Variants in IMMP1L observed in about 807,000 individuals in gnomAD.
The protein encoded by IMMP1L is inner mitochondrial membrane peptidase subunit 1.
IMMP1L carries 24 observed loss-of-function variants against 21.8 expected under a neutral mutation model. The ratio of observed to expected loss-of-function variants is 1.10; its 90% CI spans 0.80 to 1.55. The LOEUF is 1.55. IMMP1L is among the 40% of genes most tolerant of loss of function. The probability of loss-of-function intolerance (pLI) is 0.00; values close to 1 mark genes in which losing one functional copy is unlikely to be tolerated. For synonymous variants in IMMP1L, 46 were observed against 62.8 expected (o/e 0.73, Z 1.26); for missense variants, 195 against 200.7 (o/e 0.97, Z 0.17).
At chr11:31,472,746 G>A (rs925632979) in intron 1 of IMMP1L, among the ~76,000 whole-genome samples, 2 of 152,168 alleles carry the variant, frequency 1.3e-5, no homozygotes, top group African/African-American at 4.8e-5. Context: ...AGCAAAAGAA[G>A]TATAGGAGGA....
intron 4 of IMMP1L, among the ~76,000 whole-genome samples, chr11:31,439,505 C>T (rs1312123941): frequency 6.6e-6 from 1 of 152,120 alleles, no homozygotes; most frequent in Non-Finnish European, 1.5e-5. Flanking sequence ...GAGTGCTTCT[C>T]TGCTAATTCC....
chr11:31,433,099 C>CTAAA (rs1328306095), intron 5 of IMMP1L, among the ~76,000 whole-genome samples: 1 of 152,190 alleles, frequency 6.6e-6, no homozygotes, highest in African/African-American at 2.4e-5. Flanking sequence ...GGTATCCCTA[C>CTAAA]TTTACAGGTA....
chr11:31,500,612 A>ACACACACACACAC (rs1491094510), intron 1 of IMMP1L, among the ~76,000 whole-genome samples: 35 of 145,214 alleles, frequency 2.4e-4, no homozygotes, highest in East Asian at 1.6e-3. Flanking sequence ...CACACACACA[A>ACACACACACACAC]ACACACACAC....
At chr11:31,474,265 T>C (rs1191021484) in intron 1 of IMMP1L, among the ~76,000 whole-genome samples, 3 of 152,072 alleles carry the variant, frequency 2.0e-5, no homozygotes, top group African/African-American at 7.3e-5. Context: ...GAAGTTATTG[T>C]GACAAGTAGA....
intron 3 of IMMP1L, among the ~76,000 whole-genome samples, chr11:31,459,550 T>C (rs1358861547): frequency 6.6e-6 from 1 of 152,124 alleles, no homozygotes; most frequent in Non-Finnish European, 1.5e-5. Flanking sequence ...TAGAGTTAAT[T>C]GGAATAAAGG....
chr11:31,485,196 G>A (rs143582989), intron 1 of IMMP1L, among the ~76,000 whole-genome samples: 1 of 151,800 alleles, frequency 6.6e-6, no homozygotes, highest in Admixed American at 6.6e-5. Flanking sequence ...TAATTTCAAA[G>A]GTGATTTAAC....
intron 1 of IMMP1L, among the ~76,000 whole-genome samples, chr11:31,503,129 A>G (rs1369378924): frequency 6.6e-6 from 1 of 152,206 alleles, no homozygotes; most frequent in African/African-American, 2.4e-5. Context: ...CTAGCATCCA[A>G]TATAATTCAG....
At chr11:31,507,573 A>C (rs1955814225) in intron 1 of IMMP1L, among the ~76,000 whole-genome samples, 1 of 152,216 alleles carries the variant, frequency 6.6e-6, no homozygotes, top group South Asian at 2.1e-4. Context: ...CAGACACAGA[A>C]AGACAAATAT....
chr11:31,461,035 G>A (rs1954122988), intron 2 of IMMP1L, among the ~76,000 whole-genome samples: 1 of 152,110 alleles, frequency 6.6e-6, no homozygotes, highest in Non-Finnish European at 1.5e-5. Context: ...CATGTTCCTA[G>A]CTATATAACC....
intron 1 of IMMP1L, among the ~76,000 whole-genome samples, chr11:31,470,404 A>T (rs572289882): frequency 1.3e-4 from 20 of 151,442 alleles, no homozygotes; most frequent in African/African-American, 4.6e-4. Flanking sequence ...TAAGAGCAAA[A>T]CTCCATCTCA....
chr11:31,456,711 A>C (rs903915215), intron 3 of IMMP1L, among the ~76,000 whole-genome samples: 1 of 151,784 alleles, frequency 6.6e-6, no homozygotes, highest in African/African-American at 2.4e-5. Flanking sequence ...TCTTAGAACC[A>C]AAATTGTGGA....
chr11:31,458,343 T>G (rs1954015217), intron 3 of IMMP1L, among the ~76,000 whole-genome samples: 1 of 152,140 alleles, frequency 6.6e-6, no homozygotes, highest in Non-Finnish European at 1.5e-5. Flanking sequence ...CACAGTAAGC[T>G]TTTGAAAACT....
At chr11:31,451,314 T>A (rs2133606070) in intron 4 of IMMP1L, among the ~76,000 whole-genome samples, 1 of 151,922 alleles carries the variant, frequency 6.6e-6, no homozygotes, top group South Asian at 2.1e-4. Flanking sequence ...ATGGAAAGGG[T>A]AGAGATGCCA....
chr11:31,453,401 T>C (rs1953825478), intron 4 of IMMP1L, among the ~76,000 whole-genome samples: 1 of 152,216 alleles, frequency 6.6e-6, no homozygotes, highest in Admixed American at 6.5e-5. Flanking sequence ...TTAATATTGT[T>C]CATTTTATTA....
intron 1 of IMMP1L, among the ~76,000 whole-genome samples, chr11:31,465,400 G>T (rs1243813920): frequency 6.6e-6 from 1 of 152,084 alleles, no homozygotes; most frequent in Admixed American, 6.6e-5. Flanking sequence ...AAGATTCAAT[G>T]CAATCTCTAT....
chr11:31,488,392 A>G (rs1416106297), intron 1 of IMMP1L, among the ~76,000 whole-genome samples: 5 of 152,126 alleles, frequency 3.3e-5, no homozygotes, highest in African/African-American at 1.2e-4. Context: ...GAATTTTATG[A>G]CGCTTTGGAA....
At chr11:31,492,713 A>G (rs1955296289) in intron 1 of IMMP1L, among the ~76,000 whole-genome samples, 2 of 152,214 alleles carry the variant, frequency 1.3e-5, no homozygotes, top group Non-Finnish European at 2.9e-5. Context: ...TCAGTGACAC[A>G]ATGAAGTGAA....
At chr11:31,451,994 T>C (rs771402057) in intron 4 of IMMP1L, among the ~76,000 whole-genome samples, 42 of 152,050 alleles carry the variant, frequency 2.8e-4, no homozygotes, top group Non-Finnish European at 4.6e-4. Flanking sequence ...ATATTAACAA[T>C]AGGTCAAGTA....
chr11:31,505,269 T>C (rs1443424687), intron 1 of IMMP1L, among the ~76,000 whole-genome samples: 1 of 152,156 alleles, frequency 6.6e-6, no homozygotes, highest in Non-Finnish European at 1.5e-5. Flanking sequence ...GGAAACATTG[T>C]GGACATGGAA....
Sources: gnomAD v4.1 joint callset for allele counts (sites outside exome capture counted in the v4.1 genomes callset) on GRCh38, gnomAD v4.1.1 for gene constraint, MANE v1.5 for transcripts, NCBI Gene and HGNC (gene_info 2026-07-23, HGNC 2026-07-21) for gene names.